UBE2R2: variants seen among roughly 807,000 people sequenced by gnomAD.
The protein encoded by UBE2R2 is ubiquitin-conjugating enzyme E2 R2.
UBE2R2 carries 1 observed loss-of-function variant against 27.8 expected under a neutral mutation model. The observed-to-expected ratio is 0.04, with a 90% CI of 0.01 to 0.17. The LOEUF (loss-of-function observed/expected upper bound fraction) is 0.17, where lower values mean the gene tolerates loss of function less well. UBE2R2 is among the 10% of genes least tolerant of loss of function. The probability of loss-of-function intolerance (pLI) is 1.00; values close to 1 mark genes in which losing one functional copy is unlikely to be tolerated. For missense variants in UBE2R2, 100 were observed against 291.0 expected (o/e 0.34, Z 4.78); for synonymous variants, 106 against 113.3 (o/e 0.94, Z 0.41).
chr9:33,898,680 A>G (rs759464947), intron 2 of UBE2R2, among the ~76,000 whole-genome samples: 1 of 152,208 alleles, frequency 6.6e-6, no homozygotes, highest in African/African-American at 2.4e-5. Context: ...ACTTGAGGCC[A>G]GGAGTTAGTG....
At chr9:33,880,185 C>G (rs1383909405) in intron 1 of UBE2R2, among the ~76,000 whole-genome samples, 1 of 151,986 alleles carries the variant, frequency 6.6e-6, no homozygotes, top group South Asian at 2.1e-4. Context: ...TGCACTTGGC[C>G]TAATTTTGTA....
intron 1 of UBE2R2, among the ~76,000 whole-genome samples, chr9:33,820,685 T>G (rs1311500703): frequency 1.3e-5 from 2 of 152,256 alleles, no homozygotes; most frequent in African/African-American, 4.8e-5. Context: ...ATAATTTATT[T>G]TCAAGTTAAA....
At chr9:33,830,232 A>G (rs1376525308) in intron 1 of UBE2R2, among the ~76,000 whole-genome samples, 1 of 143,614 alleles carries the variant, frequency 7.0e-6, no homozygotes, top group Middle Eastern at 3.9e-3. Flanking sequence ...ACCTCAGCTC[A>G]CTGCACCTTC....
chr9:33,908,238 A>AAT (rs1822406210), intron 3 of UBE2R2, among the ~76,000 whole-genome samples: 1 of 152,242 alleles, frequency 6.6e-6, no homozygotes, highest in African/African-American at 2.4e-5. Flanking sequence ...CAATGCTGTC[A>AAT]GCTTTCCTTA....
intron 1 of UBE2R2, chr9:33,818,920 A>G (rs1269115823): frequency 1.3e-5 from 2 of 152,136 alleles, no homozygotes; most frequent in Non-Finnish European, 2.9e-5. Context: ...TGGTCTTAGA[A>G]CAGTGGTTAT....
At chr9:33,848,658 A>G (rs911219083) in intron 1 of UBE2R2, among the ~76,000 whole-genome samples, 5 of 151,476 alleles carry the variant, frequency 3.3e-5, no homozygotes, top group African/African-American at 1.2e-4. Flanking sequence ...CTGGAGTGCA[A>G]TGGCGTGATC....
At chr9:33,833,113 G>A (rs1820534935) in intron 1 of UBE2R2, among the ~76,000 whole-genome samples, 1 of 152,164 alleles carries the variant, frequency 6.6e-6, no homozygotes, top group Admixed American at 6.5e-5. Flanking sequence ...TGCCCAGGCT[G>A]GAGTGCAGTG....
chr9:33,841,618 T>C (rs981690788), intron 1 of UBE2R2, among the ~76,000 whole-genome samples: 2 of 152,176 alleles, frequency 1.3e-5, no homozygotes, highest in African/African-American at 4.8e-5. Flanking sequence ...TGAGTTGTCA[T>C]TGTTTCTAGG....
chr9:33,857,984 C>T (rs1249638217), intron 1 of UBE2R2, among the ~76,000 whole-genome samples: 1 of 152,148 alleles, frequency 6.6e-6, no homozygotes, highest in African/African-American at 2.4e-5. Context: ...GTCCTTATTA[C>T]TGTAAGGCCA....
At chr9:33,858,223 C>A (rs1045351005) in intron 1 of UBE2R2, among the ~76,000 whole-genome samples, 1 of 152,026 alleles carries the variant, frequency 6.6e-6, no homozygotes, top group Non-Finnish European at 1.5e-5. Flanking sequence ...AGTTAGATTC[C>A]GAAAGGTAGC....
chr9:33,902,332 T>TCACA (rs1822262094), intron 3 of UBE2R2, among the ~76,000 whole-genome samples: 1 of 152,034 alleles, frequency 6.6e-6, no homozygotes, highest in African/African-American at 2.4e-5. Flanking sequence ...TTACAGGTGC[T>TCACA]CACACTACAC....
rs1825840192 is a variant in UBE2R2 at position 33,817,780 on chromosome 9, G to C, written c.23G>C (p.Ser8Thr). 6.3e-7 allele frequency: 1 copy of C among 1,598,366 alleles called. No homozygotes were observed. The highest frequency in any genetic ancestry group is 1.7e-5 in the Admixed American group (1 of 58,150). Residue 8 changes from serine (S) to threonine (T), a missense_variant, in exon 1 of 5, where the codon AGC becomes ACC. Physicochemically the swap from Ser to Thr is moderately conservative, Grantham distance 58. Transcript: ENST00000263228. The part of the protein sequence containing the change: MAQQQMT[S>T]SQKALMLELK... Reference sequence around the variant, plus strand: ...GCGATGGCCCAGCAGCAGATGACCAGCTCGCAGAAGGCCCTGATGCTCGAG... The same window carrying C: ...GCGATGGCCCAGCAGCAGATGACCACCTCGCAGAAGGCCCTGATGCTCGAG...
At chr9:33,841,907 TC>T (rs1181170122) in intron 1 of UBE2R2, among the ~76,000 whole-genome samples, 2 of 152,198 alleles carry the variant, frequency 1.3e-5, no homozygotes, top group Non-Finnish European at 2.9e-5. Context: ...ATGTATGCTG[TC>T]CTCATCACCC....
chr9:33,818,911 G>C (rs1825906775), intron 1 of UBE2R2: 1 of 152,032 alleles, frequency 6.6e-6, no homozygotes. Flanking sequence ...TGTTTTATAT[G>C]GTCTTAGAAC....
intron 1 of UBE2R2, among the ~76,000 whole-genome samples, chr9:33,834,500 C>T (rs887028401): frequency 6.6e-6 from 1 of 152,096 alleles, no homozygotes; most frequent in Non-Finnish European, 1.5e-5. Flanking sequence ...GCGTGAGCCA[C>T]ACGCCCAGCC....
intron 2 of UBE2R2, among the ~76,000 whole-genome samples, chr9:33,893,661 G>T (rs947172807): frequency 8.5e-5 from 13 of 152,110 alleles, no homozygotes; most frequent in African/African-American, 2.9e-4. Context: ...TTGAGACAGA[G>T]TCTCACTCTG....
chr9:33,859,799 T>TGTGTGTGTGTGTGTGTGTGA (rs766779268), intron 1 of UBE2R2, among the ~76,000 whole-genome samples: 2 of 86,520 alleles, frequency 2.3e-5, no homozygotes, highest in African/African-American at 9.2e-5. Context: ...TGTGTGTGTG[T>TGTGTGTGTGTGTGTGTGTGA]GAGAGAGAGA....
intron 2 of UBE2R2, among the ~76,000 whole-genome samples, chr9:33,899,411 G>A (rs149789541): frequency 6.7e-6 from 1 of 148,766 alleles, no homozygotes; most frequent in Non-Finnish European, 1.5e-5. Context: ...GTCTCCCTCT[G>A]TTGCCCAGGA....
At chr9:33,817,129 C>T (rs1324390932), upstream of UBE2R2, among the ~76,000 whole-genome samples, 1 of 151,530 alleles carries the variant, frequency 6.6e-6, no homozygotes, top group Non-Finnish European at 1.5e-5. Context: ...GTGCGCCCCT[C>T]CTCCCTCTCT....
Sources: gnomAD v4.1 joint callset for allele counts (sites outside exome capture counted in the v4.1 genomes callset) on GRCh38, gnomAD v4.1.1 for gene constraint, MANE v1.5 for transcripts, NCBI Gene and HGNC (gene_info 2026-07-23, HGNC 2026-07-21) for gene names.